Variants in NCAPD2 observed in about 807,000 individuals in gnomAD.
NCAPD2 encodes the protein non-SMC condensin I complex subunit D2, also known as condensin complex subunit 1.
In NCAPD2, 100 loss-of-function variants were observed where a neutral mutation model predicts 164.5. That is an observed-to-expected ratio of 0.61 (90% CI 0.52 to 0.72). The LOEUF is 0.72. Ranked by LOEUF, NCAPD2 falls within the 30% of genes least tolerant of loss-of-function variation. The pLI is 0.00. For missense variants in NCAPD2, 1,560 were observed against 1,749.2 expected (o/e 0.89, Z 1.93); for synonymous variants, 585 against 642.6 (o/e 0.91, Z 1.36).
At chr12:6,509,505 A>C (rs1164618786) in intron 2 of NCAPD2, among the ~76,000 whole-genome samples, 1 of 151,872 alleles carries the variant, frequency 6.6e-6, no homozygotes, top group African/African-American at 2.4e-5. Flanking sequence ...CAGGTAATCC[A>C]CCCGTCTCAG....
intron 13 of NCAPD2, 141 bp downstream of exon 13, chr12:6,518,100 TG>T (rs1946221376): frequency 2.6e-6 from 2 of 760,122 alleles, no homozygotes; most frequent in Admixed American, 2.7e-5. Context: ...CATGTAGTAA[TG>T]GTCTGACCAT....
At position 6,527,791 on chromosome 12, in the gene NCAPD2, G is replaced by C; in HGVS notation, c.2922G>C (p.Glu974Asp). The change falls in exon 23 of 32, where the codon GAG becomes GAC. Residue 974 changes from glutamate (E) to aspartate (D), a missense_variant. Coordinates refer to ENST00000315579, the MANE Select transcript of NCAPD2 (RefSeq NM_014865.4). ...KDPKEKNTSS[E>D]TTMEEELGLV... ...ATTCCCTTTAGAATACGAGCTCTGAGACCACCATGGAGGAGGAGCTGGGGC... is the reference window on the plus strand; with the variant it reads ...ATTCCCTTTAGAATACGAGCTCTGACACCACCATGGAGGAGGAGCTGGGGC... The C allele has an allele frequency of 6.2e-7, 1 of 1,612,656 alleles. No individual in the cohort carries two copies. Among genetic ancestry groups the C allele is most frequent in the South Asian group, 1.1e-5 (1 of 90,998 alleles).
intron 2 of NCAPD2, among the ~76,000 whole-genome samples, chr12:6,508,214 T>TG (rs1946114491): frequency 6.6e-6 from 1 of 151,422 alleles, no homozygotes; most frequent in Admixed American, 6.6e-5. Context: ...CCTAGCTACG[T>TG]GGGAGGCTGA....
At chr12:6,509,879 T>C (rs142120883) in intron 3 of NCAPD2, 87 bp downstream of exon 3, 126 of 1,439,460 alleles carry the variant, frequency 8.8e-5, no homozygotes, top group Non-Finnish European at 1.2e-4. Context: ...TTCCAAGTTA[T>C]AGGTTCACTG....
At position 6,520,969 on chromosome 12, in the gene NCAPD2, G is replaced by T. The variant is rs1449149506; in HGVS notation, c.1590-17G>T. ...AGTGACATTCTTCTGGGTACTGACA[G>T]GCTGGTGTTCTTTCAGAAAGGCCAT... is the stretch of plus-strand genomic sequence containing the variant. On this transcript the variant is annotated splice_polypyrimidine_tract_variant and intron_variant, in intron 13 of 31. Transcript: ENST00000315579. The T allele has an allele frequency of 6.2e-7, 1 of 1,613,480 alleles. No homozygotes were observed. Among genetic ancestry groups the T allele is most frequent in the Non-Finnish European group, 8.5e-7 (1 of 1,179,846 alleles).
chr12:6,511,825 A>T (rs1946150685), intron 6 of NCAPD2, among the ~76,000 whole-genome samples: 1 of 151,568 alleles, frequency 6.6e-6, no homozygotes, highest in Admixed American at 6.6e-5. Context: ...CTACTAAAAA[A>T]ATATGAAAAT....
intron 1 of NCAPD2, 137 bp downstream of exon 1, chr12:6,494,291 A>T (rs779847645): frequency 6.6e-6 from 1 of 151,288 alleles, no homozygotes; most frequent in South Asian, 2.1e-4. Flanking sequence ...TAAGTCTGAC[A>T]GATCCGCAAC....
At chr12:6,507,697 TAATAGTAAGA>T (rs1195326554) in intron 2 of NCAPD2, among the ~76,000 whole-genome samples, 1 of 151,842 alleles carries the variant, frequency 6.6e-6, no homozygotes, top group East Asian at 1.9e-4. Flanking sequence ...GAAGGAATAG[TAATAGTAAGA>T]AATAGTAAGA....
intron 13 of NCAPD2, among the ~76,000 whole-genome samples, chr12:6,519,506 T>C (rs1275402473): frequency 1.3e-5 from 2 of 152,170 alleles, no homozygotes; most frequent in Non-Finnish European, 2.9e-5. Context: ...GGTTAATTTA[T>C]TTATAATTTG....
At chr12:6,510,890 T>A in intron 5 of NCAPD2, 80 bp downstream of exon 5, 1 of 1,489,442 alleles carries the variant, frequency 6.7e-7, no homozygotes, top group Non-Finnish European at 9.1e-7. Context: ...AATCCAATGA[T>A]CCACAAATCC....
Position 6,531,803 on chromosome 12 carries a change from T to A in NCAPD2, c.*391T>A. ...TGGGCAACAATAGCGAACCTCCATC[T>A]CAAATTAAAAAAAAAATGCCTACAC... On this transcript the variant is annotated 3_prime_UTR_variant, in exon 32 of 32. Coordinates refer to ENST00000315579, the MANE Select transcript of NCAPD2 (RefSeq NM_014865.4). The surrounding 1 kb of genome is among the most constrained non-coding windows in gnomAD (Gnocchi z 4.1). 1 of 233,532 alleles carries A rather than the reference T, an allele frequency of 4.3e-6. No individual in the cohort carries two copies. Among genetic ancestry groups the A allele is most frequent in the Non-Finnish European group, 8.6e-6 (1 of 116,286 alleles). 14.5% of individuals were successfully genotyped at this position (233,532 alleles called of 1,614,324 possible). A position where few individuals can be genotyped will look rare whatever the true frequency, so the allele number is the denominator to read the frequency against.
chr12:6,530,624 C>T, intron 29 of NCAPD2, 67 bp from the exon 30 acceptor site: 2 of 1,597,912 alleles, frequency 1.3e-6, no homozygotes, highest in Non-Finnish European at 1.7e-6. Context: ...TCTTCCATGG[C>T]CTTGTTTCTT....
chr12:6,521,550 C>T (rs988019790), intron 14 of NCAPD2, among the ~76,000 whole-genome samples: 3 of 144,738 alleles, frequency 2.1e-5, no homozygotes, highest in Admixed American at 7.0e-5. Context: ...TAGCCAGGTG[C>T]GGTGGCACGC....
intron 15 of NCAPD2, 38 bp from the exon 16 acceptor site, chr12:6,522,790 G>T: frequency 6.2e-7 from 1 of 1,602,572 alleles, no homozygotes; most frequent in Non-Finnish European, 8.5e-7. Flanking sequence ...GGGGAGTTTT[G>T]TGAAGTAGAT....
intron 18 of NCAPD2, 78 bp from the exon 19 acceptor site, chr12:6,525,990 A>T (rs1946313557): frequency 6.5e-7 from 1 of 1,549,838 alleles, no homozygotes; most frequent in Non-Finnish European, 8.8e-7. Flanking sequence ...AGGTGCTGGT[A>T]CCTACCCCTA....
In NCAPD2 at chr12:6,528,959, T is replaced by C. The variant is rs773687651; in HGVS notation, c.3492T>C (p.Tyr1164=). The C allele has an allele frequency of 2.5e-6, 4 of 1,613,980 alleles. No individual in the cohort carries two copies. The highest frequency in any genetic ancestry group is 2.5e-6 in the Non-Finnish European group (3 of 1,180,024). Residue 1164 remains tyrosine, a synonymous_variant, in exon 27 of 32, where the codon TAT becomes TAC. Coordinates refer to ENST00000315579, the MANE Select transcript of NCAPD2 (RefSeq NM_014865.4). This position sits in a 1 kb window ranked among gnomAD's most constrained non-coding sequence, Gnocchi z 5.1. The part of the protein sequence containing the change: ...NELSHKGNAI[Y]NLLPDIISRL... ...CTGTCTTACAGGGCAACGCAATCTA[T>C]AATCTCCTTCCAGATATCATCAGCC... is the stretch of plus-strand genomic sequence containing the variant.
chr12:6,528,271 A>T lies in NCAPD2; in HGVS notation c.3242A>T (p.Asp1081Val), dbSNP rs137946874. Residue 1081 changes from aspartate (D) to valine (V), a missense_variant, in exon 25 of 32, where the codon GAT becomes GTT. Physicochemically the swap from Asp to Val is radical, Grantham distance 152. Coordinates refer to ENST00000315579, the MANE Select transcript of NCAPD2 (RefSeq NM_014865.4). The surrounding 1 kb of genome is among the most constrained non-coding windows in gnomAD (Gnocchi z 5.1). ...VRSNLMVATG[D>V]LAIRFPNLVD... ...TCTAACCTCATGGTTGCCACTGGGG[A>T]TCTGGCCATCCGCTTTCCCAATCTG... is the stretch of plus-strand genomic sequence containing the variant. 1.7e-5 allele frequency: 28 copies of T among 1,613,728 alleles called. No homozygotes were observed. In the African/African-American group the frequency reaches 3.1e-4, roughly 18 times the overall value.
chr12:6,522,722 G>C (rs2072373), intron 15 of NCAPD2, 106 bp from the exon 16 acceptor site: 1 of 1,249,922 alleles, frequency 8.0e-7, no homozygotes, highest in African/African-American at 1.5e-5. Flanking sequence ...CAGGGAAAAT[G>C]CGGAAGGCCT....
rs1224500991 is a variant in NCAPD2, at chr12:6,504,224, G to GAT, written c.128-5475_128-5474dup. Reference sequence around the variant, plus strand: ...ATATATATATATATATATAGATATAGATATATATATATATATATACCATTG... The same window carrying GAT: ...ATATATATATATATATATAGATATAGATATATATATATATATATATACCATTG... On this transcript the variant is annotated intron_variant, in intron 2 of 31. Coordinates refer to ENST00000315579, the MANE Select transcript of NCAPD2 (RefSeq NM_014865.4). Among the ~76,000 whole-genome samples, 97 of 32,798 alleles carry GAT rather than the reference G, an allele frequency of 3.0e-3. No homozygotes were observed. In the Middle Eastern group the frequency reaches 0.058, roughly 20 times the overall value. The allele number at this position is 32,798 out of a possible 152,430, so 21.5% of individuals were successfully genotyped here.
Sources: gnomAD v4.1 joint callset for allele counts (sites outside exome capture counted in the v4.1 genomes callset) on GRCh38, gnomAD v4.1.1 for gene constraint, Gnocchi (gnomAD v3.1) non-coding constraint, MANE v1.5 for transcripts, NCBI Gene and HGNC (gene_info 2026-07-23, HGNC 2026-07-21) for gene names.